The following LOXHD1 variants were observed in gnomAD, a reference collection of about 807,000 sequenced individuals.
The protein encoded by LOXHD1 is lipoxygenase homology PLAT domains 1.
A neutral mutation model predicts 248.2 loss-of-function variants in LOXHD1; 205 were observed. The ratio of observed to expected loss-of-function variants is 0.83; its 90% CI spans 0.74 to 0.93. The LOEUF (loss-of-function observed/expected upper bound fraction) is 0.93, where lower values mean the gene tolerates loss of function less well. Ranked by LOEUF, LOXHD1 falls within the 40% of genes least tolerant of loss-of-function variation. The probability of loss-of-function intolerance (pLI) is 0.00; values close to 1 mark genes in which losing one functional copy is unlikely to be tolerated. For synonymous variants in LOXHD1, 1,113 were observed against 1,162.8 expected (o/e 0.96, Z 0.87); for missense variants, 2,930 against 2,971.6 (o/e 0.99, Z 0.33).
At chr18:46,602,782 GA>G (rs879579049) in intron 7 of LOXHD1, among the ~76,000 whole-genome samples, 7 of 147,366 alleles carry the variant, frequency 4.8e-5, no homozygotes, top group Admixed American at 6.8e-5. Context: ...CATTGCTCTA[GA>G]AAAAAAAAAT....
At chr18:46,553,423 C>T (rs1288667890) in intron 21 of LOXHD1, among the ~76,000 whole-genome samples, 1 of 152,224 alleles carries the variant, frequency 6.6e-6, no homozygotes, top group Non-Finnish European at 1.5e-5. Context: ...AAACCTAAAT[C>T]ATCAGCCTCC....
intron 8 of LOXHD1, among the ~76,000 whole-genome samples, chr18:46,601,000 T>C (rs2038328081): frequency 6.6e-6 from 1 of 152,196 alleles, no homozygotes. Context: ...CCTGTCCTGC[T>C]TGGCCCTTGG....
intron 23 of LOXHD1, among the ~76,000 whole-genome samples, chr18:46,543,214 T>C (rs1274530230): frequency 1.3e-5 from 2 of 152,174 alleles, no homozygotes; most frequent in East Asian, 3.9e-4. Context: ...TATCATTTTG[T>C]ATGTTTTTGC....
rs1287103817 is a variant in LOXHD1 at position 46,483,874 on chromosome 18, T to C, written c.6183-129A>G. The C allele has an allele frequency of 5.4e-6, 6 of 1,103,988 alleles. No homozygotes were observed. In the East Asian group the frequency reaches 1.0e-4, roughly 19 times the overall value. 68.4% of individuals were successfully genotyped at this position (1,103,988 alleles called of 1,614,324 possible). On this transcript the variant is annotated intron_variant, in intron 39 of 40. Coordinates refer to ENST00000642948, the MANE Select transcript of LOXHD1 (RefSeq NM_001384474.1). ...GGATGGGATGGCAAGCAGGAGCTCATGGCAGTCCTGGAGGCTTTGAGGGGT... is the reference window on the plus strand; with the variant it reads ...GGATGGGATGGCAAGCAGGAGCTCACGGCAGTCCTGGAGGCTTTGAGGGGT...
At chr18:46,496,431 T>A (rs1421233206) in intron 37 of LOXHD1, among the ~76,000 whole-genome samples, 1 of 152,172 alleles carries the variant, frequency 6.6e-6, no homozygotes, top group African/African-American at 2.4e-5. Context: ...TGTTCAGAAA[T>A]CCCCATCTTT....
intron 6 of LOXHD1, among the ~76,000 whole-genome samples, chr18:46,606,267 A>C (rs1322676137): frequency 1.3e-5 from 2 of 152,200 alleles, no homozygotes; most frequent in African/African-American, 4.8e-5. Context: ...AAATAATCAC[A>C]GATGTGCATA....
chr18:46,575,706 A>T (rs964894903), intron 14 of LOXHD1, among the ~76,000 whole-genome samples: 4 of 151,826 alleles, frequency 2.6e-5, no homozygotes, highest in African/African-American at 9.7e-5. Context: ...TTGATTTTGG[A>T]CTTCTGGCCT....
chr18:46,536,180 C>A (rs1160095528), intron 26 of LOXHD1, among the ~76,000 whole-genome samples: 3 of 152,118 alleles, frequency 2.0e-5, no homozygotes, highest in Non-Finnish European at 4.4e-5. Context: ...TGAGTTGATA[C>A]ACATCAGGTC....
chr18:46,497,633 GAAGTAT>G (rs930989886), intron 37 of LOXHD1, among the ~76,000 whole-genome samples: 2 of 152,128 alleles, frequency 1.3e-5, no homozygotes, highest in African/African-American at 4.8e-5. Flanking sequence ...GTCTGAAAGA[GAAGTAT>G]AAGTATAATT....
At chr18:46,550,749 G>A (rs1328040659) in intron 21 of LOXHD1, among the ~76,000 whole-genome samples, 1 of 152,184 alleles carries the variant, frequency 6.6e-6, no homozygotes, top group East Asian at 1.9e-4. Context: ...ATATAAGTGA[G>A]AAATAAATGT....
chr18:46,604,365 T>C (rs2038382922), intron 6 of LOXHD1, 136 bp from the exon 7 acceptor site: 1 of 1,203,520 alleles, frequency 8.3e-7, no homozygotes, highest in East Asian at 2.6e-5. Flanking sequence ...AAGGAAAGCT[T>C]ATCACAAGGA....
At chr18:46,549,714 T>A (rs545109424) in intron 21 of LOXHD1, among the ~76,000 whole-genome samples, 1 of 152,294 alleles carries the variant, frequency 6.6e-6, no homozygotes, top group South Asian at 2.1e-4. Context: ...AACTTTTTGT[T>A]CAACCCTTTC....
At chr18:46,647,246 C>T (rs1039700998) in intron 2 of LOXHD1, among the ~76,000 whole-genome samples, 1 of 152,298 alleles carries the variant, frequency 6.6e-6, no homozygotes, top group African/African-American at 2.4e-5. Flanking sequence ...CCCTAGACCC[C>T]CTTCAGACCC....
At position 46,563,118 on chromosome 18, in the gene LOXHD1, A is replaced by T. The variant is rs1336547898; in HGVS notation, c.2545T>A (p.Phe849Ile). 6.5e-7 allele frequency: 1 copy of T among 1,546,646 alleles called. No homozygotes were observed. The highest frequency in any genetic ancestry group is 1.2e-5 in the South Asian group (1 of 83,956). ...AAAACTTTTGAGCGGCTGGAGAGGA[A>T]GAGCACTTCTGTCTTGCCTTTCTCT... The part of the protein sequence containing the change: ...YGEKGKTEVL[F>I]LSSRSKVFER... The change falls in exon 18 of 41, where the codon TTC (phenylalanine) becomes ATC (isoleucine). Residue 849 changes from phenylalanine (F) to isoleucine (I), a missense_variant. By Grantham distance (21) the Phe-to-Ile change is conservative. Coordinates refer to ENST00000642948, the MANE Select transcript of LOXHD1 (RefSeq NM_001384474.1).
chr18:46,510,261 C>T (rs952636541), intron 34 of LOXHD1, among the ~76,000 whole-genome samples: 1 of 152,142 alleles, frequency 6.6e-6, no homozygotes, highest in African/African-American at 2.4e-5. Context: ...ATGACAGGCC[C>T]GTTGCGAATG....
Position 46,507,625 on chromosome 18 carries a change from C to A in LOXHD1, c.5605G>T (p.Val1869Leu). The change falls in exon 36 of 41, where the codon GTG becomes TTG. Residue 1869 changes from valine to leucine, a missense_variant. Coordinates refer to ENST00000642948, the MANE Select transcript of LOXHD1 (RefSeq NM_001384474.1). ...TCGATAACGGCACACATTTCACACA[C>A]CAGGGTCTTCTTGCCCTTCCGCTGG... ...LSQRKGKKTL[V>L]CEMCAVIDEE... 2 of 1,551,756 alleles carry A rather than the reference C, an allele frequency of 1.3e-6. No individual in the cohort carries two copies. The highest frequency in any genetic ancestry group is 1.2e-5 in the South Asian group (1 of 84,054).
At chr18:46,496,188 A>G (rs2033857056) in intron 37 of LOXHD1, among the ~76,000 whole-genome samples, 1 of 152,254 alleles carries the variant, frequency 6.6e-6, no homozygotes, top group African/African-American at 2.4e-5. Flanking sequence ...TTGACAGTTC[A>G]ATAATCAATA....
intron 4 of LOXHD1, among the ~76,000 whole-genome samples, chr18:46,629,112 G>A (rs1204920210): frequency 2.0e-5 from 3 of 152,162 alleles, no homozygotes; most frequent in Non-Finnish European, 4.4e-5. Flanking sequence ...TCTCCCTTTG[G>A]TTATGAAAGT....
chr18:46,576,343 G>A (rs940149340), intron 14 of LOXHD1, among the ~76,000 whole-genome samples: 16 of 151,566 alleles, frequency 1.1e-4, no homozygotes, highest in Non-Finnish European at 2.1e-4. Flanking sequence ...CGCTTCCCCC[G>A]TGGCTTAGGA....
Sources: gnomAD v4.1 joint callset for allele counts (sites outside exome capture counted in the v4.1 genomes callset) on GRCh38, gnomAD v4.1.1 for gene constraint, MANE v1.5 for transcripts, NCBI Gene and HGNC (gene_info 2026-07-23, HGNC 2026-07-21) for gene names.